SWT1: variants seen among roughly 807,000 people sequenced by gnomAD.
SWT1 encodes transcriptional protein SWT1.
A neutral mutation model predicts 107.3 loss-of-function variants in SWT1; 33 were observed. That is an observed-to-expected ratio of 0.31 (90% CI 0.23 to 0.41). The LOEUF is 0.41. Among genes scored for constraint, SWT1 ranks in the 10% least tolerant of loss-of-function variants. The pLI is 1.00. For synonymous variants in SWT1, 345 were observed against 348.3 expected, an observed-to-expected ratio of 0.99 and a Z score of 0.11; for missense variants, 898 against 1,028.9, an observed-to-expected ratio of 0.87 and a Z score of 1.74.
chr1:185,159,462 A>G (rs1653951130), intron 1 of SWT1, among the ~76,000 whole-genome samples: 1 of 152,166 alleles, frequency 6.6e-6, no homozygotes, highest in African/African-American at 2.4e-5. Flanking sequence ...TGAGACGGGG[A>G]TGGGAGGTGG....
chr1:185,202,824 A>AC (rs1657993000), intron 11 of SWT1, 25 bp downstream of exon 11: 2 of 1,337,088 alleles, frequency 1.5e-6, no homozygotes, highest in Admixed American at 2.3e-5. Context: ...ATAAATAATT[A>AC]GAGATATATC....
At chr1:185,217,422 C>G (rs1659305726) in intron 14 of SWT1, among the ~76,000 whole-genome samples, 1 of 152,144 alleles carries the variant, frequency 6.6e-6, no homozygotes, top group Non-Finnish European at 1.5e-5. Flanking sequence ...AGCATGAACC[C>G]TATTGTGAAC....
At chr1:185,285,125 C>A (rs577819932) in intron 18 of SWT1, among the ~76,000 whole-genome samples, 2 of 152,130 alleles carry the variant, frequency 1.3e-5, no homozygotes, top group African/African-American at 4.8e-5. Context: ...TGACTCAGTA[C>A]TTTTCTGCTT....
At chr1:185,207,550 A>G (rs1439222351) in intron 13 of SWT1, among the ~76,000 whole-genome samples, 1 of 152,226 alleles carries the variant, frequency 6.6e-6, no homozygotes, top group East Asian at 1.9e-4. Context: ...GATCAAGTAA[A>G]CTAGTCTTGA....
intron 16 of SWT1, among the ~76,000 whole-genome samples, chr1:185,246,121 A>G (rs1393143387): frequency 6.6e-6 from 1 of 152,020 alleles, no homozygotes; most frequent in Non-Finnish European, 1.5e-5. Context: ...TTGTTGACCA[A>G]AATGTCATTG....
intron 12 of SWT1, among the ~76,000 whole-genome samples, chr1:185,205,432 G>T (rs563424463): frequency 1.3e-5 from 2 of 152,314 alleles, no homozygotes; most frequent in Non-Finnish European, 2.9e-5. Flanking sequence ...GCAATGGCAT[G>T]ATCTTGGCTC....
chr1:185,262,786 CTT>C (rs572086827), intron 16 of SWT1, among the ~76,000 whole-genome samples: 62 of 135,376 alleles, frequency 4.6e-4, no homozygotes, highest in Non-Finnish European at 5.1e-4. Flanking sequence ...TTTCTTCTTT[CTT>C]TTTTTTTTTT....
chr1:185,192,377 A>G (rs935286348), intron 10 of SWT1, among the ~76,000 whole-genome samples: 1 of 152,170 alleles, frequency 6.6e-6, no homozygotes, highest in Non-Finnish European at 1.5e-5. Flanking sequence ...GCCAGAAACC[A>G]GGGAGTAAAT....
In SWT1 at chr1:185,204,872, T is replaced by C; in HGVS notation, c.1833+9T>C. 1 of 1,522,488 alleles carries C rather than the reference T, an allele frequency of 6.6e-7. No individual in the cohort carries two copies. Among genetic ancestry groups the C allele is most frequent in the Non-Finnish European group, 8.8e-7 (1 of 1,135,608 alleles). The allele number at this position is 1,522,488 out of a possible 1,614,324, so 94.3% of individuals were successfully genotyped here. Reference sequence around the variant, plus strand: ...GAAACCTTTGGATGGAGGTGATTAGTTGAACTCTATTAGTTGAAAATTTCT... The same window carrying C: ...GAAACCTTTGGATGGAGGTGATTAGCTGAACTCTATTAGTTGAAAATTTCT... On this transcript the variant is annotated intron_variant, in intron 12 of 18. Coordinates refer to ENST00000367500, the MANE Select transcript of SWT1 (RefSeq NM_017673.7).
chr1:185,190,036 T>TG (rs1326850215), intron 9 of SWT1, among the ~76,000 whole-genome samples: 1 of 151,954 alleles, frequency 6.6e-6, no homozygotes, highest in Non-Finnish European at 1.5e-5. Context: ...TTAGTAGAGA[T>TG]GGGGTTTTAC....
At chr1:185,257,390 C>T (rs1477514564) in intron 16 of SWT1, among the ~76,000 whole-genome samples, 1 of 152,166 alleles carries the variant, frequency 6.6e-6, no homozygotes, top group Admixed American at 6.5e-5. Flanking sequence ...CTCGCTGCCG[C>T]CTTGCAGTTT....
chr1:185,283,524 ATGTT>A (rs1322454526), intron 18 of SWT1, among the ~76,000 whole-genome samples: 1 of 151,958 alleles, frequency 6.6e-6, no homozygotes, highest in Admixed American at 6.6e-5. Context: ...GTGTTTTGAC[ATGTT>A]TGTTAGGCAA....
At chr1:185,188,838 T>G (rs1656710534) in intron 9 of SWT1, among the ~76,000 whole-genome samples, 1 of 152,204 alleles carries the variant, frequency 6.6e-6, no homozygotes, top group Admixed American at 6.5e-5. Context: ...TCAAAGATTC[T>G]TACCCAGAAA....
chr1:185,250,259 C>G (rs577096983), intron 16 of SWT1, among the ~76,000 whole-genome samples: 1 of 152,312 alleles, frequency 6.6e-6, no homozygotes, highest in African/African-American at 2.4e-5. Flanking sequence ...TCCCTCGTAG[C>G]TGTCACCATA....
intron 16 of SWT1, among the ~76,000 whole-genome samples, chr1:185,266,270 T>C (rs999189753): frequency 3.3e-5 from 5 of 152,162 alleles, no homozygotes; most frequent in African/African-American, 9.7e-5. Context: ...TTCACCGTGT[T>C]AGCCAGGATG....
At chr1:185,261,849 A>G (rs1045061163) in intron 16 of SWT1, among the ~76,000 whole-genome samples, 1 of 152,058 alleles carries the variant, frequency 6.6e-6, no homozygotes, top group Non-Finnish European at 1.5e-5. Context: ...TTTTTTCCTC[A>G]AGGTTCTTAT....
intron 9 of SWT1, among the ~76,000 whole-genome samples, chr1:185,189,736 G>A (rs1656784110): frequency 6.6e-6 from 1 of 151,402 alleles, no homozygotes; most frequent in African/African-American, 2.4e-5. Flanking sequence ...TAGATTCAGA[G>A]TTTTAAAAAA....
At chr1:185,218,452 G>T (rs1363913702) in intron 14 of SWT1, among the ~76,000 whole-genome samples, 1 of 152,082 alleles carries the variant, frequency 6.6e-6, no homozygotes, top group Non-Finnish European at 1.5e-5. Flanking sequence ...TGGAACCACA[G>T]GCATGTGCCA....
Position 185,166,631 on chromosome 1 carries a change from T to G in SWT1, c.144T>G (p.Val48=). Residue 48 remains valine (V), a synonymous_variant, in exon 3 of 19, where the codon GTT becomes GTG. Transcript: ENST00000367500. ...SSTSSSSIRS[V]SSEKRKLKSD... ...CTAGTTCATCTTCTATAAGATCAGT[T>G]TCATCAGAAAAGAGAAAACTGGTGA... 1 of 1,603,268 alleles carries G rather than the reference T, an allele frequency of 6.2e-7. No individual in the cohort carries two copies. The highest frequency in any genetic ancestry group is 1.3e-5 in the African/African-American group (1 of 74,608).
Sources: gnomAD v4.1 joint callset for allele counts (sites outside exome capture counted in the v4.1 genomes callset) on GRCh38, gnomAD v4.1.1 for gene constraint, MANE v1.5 for transcripts, NCBI Gene and HGNC (gene_info 2026-07-23, HGNC 2026-07-21) for gene names.